MCC: variants seen among roughly 807,000 people sequenced by gnomAD.
MCC encodes MCC regulator of Wnt signaling pathway.
Under a neutral mutation model 116.2 loss-of-function variants are expected in MCC, and 90 were observed. The observed-to-expected ratio is 0.77, with a 90% CI of 0.65 to 0.92. The LOEUF (loss-of-function observed/expected upper bound fraction) is 0.92. Among genes scored for constraint, MCC ranks in the 40% least tolerant of loss-of-function variants. The probability of loss-of-function intolerance (pLI) is 0.00; values close to 1 mark genes in which losing one functional copy is unlikely to be tolerated. For missense variants in MCC, 1,516 were observed against 1,312.2 expected (o/e 1.16, Z -2.40); for synonymous variants, 578 against 510.5 (o/e 1.13, Z -1.78).
At chr5:113,069,821 C>T (rs902246714) in intron 12 of MCC, among the ~76,000 whole-genome samples, 1 of 152,290 alleles carries the variant, frequency 6.6e-6, no homozygotes, top group East Asian at 1.9e-4. Flanking sequence ...CTCCTGACCT[C>T]GTGATCCGCC....
intron 3 of MCC, among the ~76,000 whole-genome samples, chr5:113,296,819 G>C (rs1766725679): frequency 6.6e-6 from 1 of 152,092 alleles, no homozygotes; most frequent in African/African-American, 2.4e-5. Flanking sequence ...AACTCAAATA[G>C]GCTAGTGTTG....
intron 17 of MCC, among the ~76,000 whole-genome samples, chr5:113,033,467 T>G (rs2150208789): frequency 6.6e-6 from 1 of 152,362 alleles, no homozygotes; most frequent in South Asian, 2.1e-4. Flanking sequence ...CAAGTCACAT[T>G]GAAACCTCAA....
At chr5:113,264,692 G>A (rs1765354077) in intron 3 of MCC, among the ~76,000 whole-genome samples, 1 of 152,118 alleles carries the variant, frequency 6.6e-6, no homozygotes, top group Non-Finnish European at 1.5e-5. Flanking sequence ...AAAATCAAAA[G>A]AAGAATATCT....
chr5:113,432,493 T>A (rs1348215377), intron 1 of MCC: 1 of 145,626 alleles, frequency 6.9e-6, no homozygotes, highest in Non-Finnish European at 1.5e-5. Context: ...ATGGGAATAA[T>A]AATAGGACCC....
chr5:113,395,847 G>T (rs1428150168), intron 1 of MCC, among the ~76,000 whole-genome samples: 1 of 151,794 alleles, frequency 6.6e-6, no homozygotes, highest in Non-Finnish European at 1.5e-5. Flanking sequence ...AAAATATTTT[G>T]ATGCTTATGC....
intron 3 of MCC, among the ~76,000 whole-genome samples, chr5:113,331,534 A>G (rs1767696106): frequency 6.6e-6 from 1 of 151,782 alleles, no homozygotes; most frequent in South Asian, 2.1e-4. Context: ...TTTTTAAAAT[A>G]AAAAGGTTAG....
chr5:113,294,404 G>C (rs371734710), intron 3 of MCC: 234 of 1,613,414 alleles, frequency 1.5e-4, no homozygotes, highest in Non-Finnish European at 1.8e-4. Context: ...TTTCAGAGCT[G>C]GGCTCTCAGT....
At chr5:113,118,363 A>T (rs544855301) in intron 6 of MCC, among the ~76,000 whole-genome samples, 15 of 148,004 alleles carry the variant, frequency 1.0e-4, no homozygotes, top group East Asian at 5.8e-4. Context: ...TAATTTTTTT[A>T]AAAAAAACAT....
At chr5:113,246,285 C>A (rs935042631) in intron 3 of MCC, among the ~76,000 whole-genome samples, 8 of 152,168 alleles carry the variant, frequency 5.3e-5, no homozygotes, top group Non-Finnish European at 1.0e-4. Flanking sequence ...GAGATCCCTA[C>A]CCACTGAAAT....
intron 1 of MCC, among the ~76,000 whole-genome samples, chr5:113,432,085 A>G (rs1770669816): frequency 6.6e-6 from 1 of 152,070 alleles, no homozygotes; most frequent in Non-Finnish European, 1.5e-5. Context: ...TTGGTGAGCC[A>G]AGATCGTGCC....
At chr5:113,134,946 T>C (rs1421190401) in intron 5 of MCC, among the ~76,000 whole-genome samples, 22 of 140,206 alleles carry the variant, frequency 1.6e-4, no homozygotes, top group African/African-American at 3.8e-4. Flanking sequence ...TTTTACTTCT[T>C]TTTTTTTTTT....
chr5:113,114,587 C>G (rs111977429), intron 6 of MCC, among the ~76,000 whole-genome samples: 3 of 152,186 alleles, frequency 2.0e-5, no homozygotes, highest in Admixed American at 6.5e-5. Context: ...CCCCGCCCCC[C>G]ATCCTATACC....
At chr5:113,262,553 A>T (rs1231206042) in intron 3 of MCC, among the ~76,000 whole-genome samples, 1 of 152,200 alleles carries the variant, frequency 6.6e-6, no homozygotes, top group Non-Finnish European at 1.5e-5. Flanking sequence ...ACGTTTATAC[A>T]TGTCACCTTA....
intron 1 of MCC, among the ~76,000 whole-genome samples, chr5:113,473,394 G>T (rs1561590871): frequency 6.6e-6 from 1 of 152,000 alleles, no homozygotes; most frequent in Admixed American, 6.6e-5. Context: ...CATGGGGGTG[G>T]ATGCCTCTAG....
intron 14 of MCC, among the ~76,000 whole-genome samples, chr5:113,055,587 T>C (rs1009067369): frequency 2.0e-5 from 3 of 152,130 alleles, no homozygotes; most frequent in Non-Finnish European, 4.4e-5. Context: ...TAGAAACCCT[T>C]TGGGGCTGCG....
intron 3 of MCC, among the ~76,000 whole-genome samples, chr5:113,166,963 C>T (rs1760804468): frequency 6.6e-6 from 1 of 152,144 alleles, no homozygotes; most frequent in Non-Finnish European, 1.5e-5. Flanking sequence ...GACAGTGAAG[C>T]TTGGTATGTC....
rs375066582 is a variant in MCC, at chr5:113,278,828, A to G, written c.627+61691T>C. 1.8e-4 allele frequency among the ~76,000 whole-genome samples: 27 copies of G among 152,356 alleles called. 4 individuals carry two copies. Among genetic ancestry groups the G allele is most frequent in the Admixed American group, 7.2e-4 (11 of 15,306 alleles). On this transcript the variant is annotated intron_variant, in intron 3 of 18. Transcript: ENST00000408903. ...AACAAATGCTTTCAAAGTGCTTAGC[A>G]CAGCTGAATGCTCTTCTTGAAACCT...
chr5:113,190,971 C>T (rs577157069), intron 3 of MCC, among the ~76,000 whole-genome samples: 3 of 152,308 alleles, frequency 2.0e-5, no homozygotes, highest in Admixed American at 6.5e-5. Flanking sequence ...GAGCATGGTG[C>T]CTGGCACGAA....
intron 6 of MCC, 127 bp downstream of exon 6, chr5:113,122,557 T>G (rs1554055213): frequency 9.8e-7 from 1 of 1,015,980 alleles, no homozygotes; most frequent in Non-Finnish European, 1.4e-6. Context: ...GAAATACATG[T>G]GACTTCATCC....
Sources: allele counts gnomAD v4.1 joint callset (sites outside exome capture counted in the v4.1 genomes callset), GRCh38; gene constraint gnomAD v4.1.1; transcripts MANE v1.5; gene names NCBI Gene and HGNC (gene_info 2026-07-23, HGNC 2026-07-21).